The following MDM4 variants were observed in gnomAD, a reference collection of about 807,000 sequenced individuals.
MDM4 encodes the protein protein Mdm4.
A neutral mutation model predicts 60.2 loss-of-function variants in MDM4; 2 were observed. The observed-to-expected ratio is 0.03, with a 90% CI of 0.01 to 0.10. The LOEUF is 0.10. MDM4 is among the 10% of genes least tolerant of loss of function. The probability of loss-of-function intolerance (pLI) is 1.00; values close to 1 mark genes in which losing one functional copy is unlikely to be tolerated. For missense variants in MDM4, 447 were observed against 577.5 expected, an observed-to-expected ratio of 0.77 and a Z score of 2.32; for synonymous variants, 202 against 198.1, an observed-to-expected ratio of 1.02 and a Z score of -0.17.
chr1:204,534,688 C>G (rs57034197), intron 5 of MDM4, among the ~76,000 whole-genome samples: 5,157 of 152,088 alleles, frequency 0.034, 152 homozygotes, highest in Middle Eastern at 0.068. Flanking sequence ...TACAGGTTTT[C>G]TGCTTGTTGC....
intron 5 of MDM4, among the ~76,000 whole-genome samples, chr1:204,534,183 C>G (rs1458172580): frequency 1.3e-5 from 2 of 152,166 alleles, no homozygotes; most frequent in African/African-American, 4.8e-5. Flanking sequence ...AATTTTGAAG[C>G]CTGTTAGTCT....
chr1:204,529,709 T>A (rs931116121), intron 3 of MDM4: 2 of 537,374 alleles, frequency 3.7e-6, no homozygotes, highest in Non-Finnish European at 6.7e-6. Flanking sequence ...AATTCTGACG[T>A]CACACACAGG....
At chr1:204,540,986 T>C (rs1247286980) in intron 7 of MDM4, among the ~76,000 whole-genome samples, 8 of 152,244 alleles carry the variant, frequency 5.3e-5, no homozygotes. Flanking sequence ...TTTATCATGC[T>C]GGATTGTTTT....
At chr1:204,546,600 G>A (rs757100837) in intron 9 of MDM4, among the ~76,000 whole-genome samples, 197 bp from the exon 10 acceptor site, 1 of 152,110 alleles carries the variant, frequency 6.6e-6, no homozygotes, top group Non-Finnish European at 1.5e-5. Flanking sequence ...CTTTTCTGTC[G>A]TTTGTGCTAC....
At position 204,550,564 on chromosome 1, in the gene MDM4, GTTT is replaced by G. The variant is rs11285873; in HGVS notation, c.*895_*897del. On this transcript the variant is annotated 3_prime_UTR_variant, in exon 11 of 11. Coordinates refer to ENST00000367182, the MANE Select transcript of MDM4 (RefSeq NM_002393.5). The stretch of plus-strand genomic sequence containing the variant: ...TTGCATATTATATATGTGCTTTAAA[GTTT>G]TTTTTTTTTTTTGAGAGACGGTCTC... 42 of 159,830 alleles carry G rather than the reference GTTT, an allele frequency of 2.6e-4. No homozygotes were observed. The highest frequency in any genetic ancestry group is 1.3e-3 in the East Asian group (11 of 8,758). 9.9% of individuals were successfully genotyped at this position (159,830 alleles called of 1,614,324 possible).
intron 5 of MDM4, among the ~76,000 whole-genome samples, chr1:204,534,112 T>C (rs911598240): frequency 2.6e-5 from 4 of 152,230 alleles, no homozygotes; most frequent in Admixed American, 6.5e-5. Context: ...TAAAGATTTA[T>C]TCTTTAAAGG....
intron 6 of MDM4, chr1:204,537,986 G>A: frequency 1.3e-6 from 1 of 750,620 alleles, no homozygotes; most frequent in Non-Finnish European, 2.5e-6. Flanking sequence ...TGGCCTTTGT[G>A]CAGAGGTTTT....
chr1:204,544,598 T>C lies in MDM4; in HGVS notation c.736T>C (p.Ser246Pro), dbSNP rs1473911496. The stretch of plus-strand genomic sequence containing the variant: ...CTTGTGGTTTTTGAATGAGTCAGTA[T>C]CAGAGCAGTTAGGTGTTGGAATAAA... ...DDLWFLNESV[S>P]EQLGVGIKVE... The change falls in exon 9 of 11, where the codon TCA becomes CCA. Residue 246 changes from serine (S) to proline (P), a missense_variant. By Grantham distance (74) the Ser-to-Pro change is moderately conservative. Transcript: ENST00000367182. 1.2e-6 allele frequency: 2 copies of C among 1,613,884 alleles called. No individual in the cohort carries two copies. Among genetic ancestry groups the C allele is most frequent in the Admixed American group, 3.3e-5 (2 of 60,024 alleles).
intron 10 of MDM4, among the ~76,000 whole-genome samples, chr1:204,548,660 T>C (rs1662901061): frequency 1.3e-5 from 2 of 152,234 alleles, no homozygotes; most frequent in South Asian, 4.1e-4. Context: ...TTAGTCGTTT[T>C]CAAATCTCAT....
intron 3 of MDM4, among the ~76,000 whole-genome samples, chr1:204,528,196 C>T (rs1353359273): frequency 6.6e-6 from 1 of 151,880 alleles, no homozygotes; most frequent in Non-Finnish European, 1.5e-5. Flanking sequence ...TGACCACTGT[C>T]CCCTGGAGAT....
At chr1:204,526,310 A>T in intron 2 of MDM4, 50 bp from the exon 3 acceptor site, 1 of 1,499,090 alleles carries the variant, frequency 6.7e-7, no homozygotes, top group Non-Finnish European at 9.2e-7. Flanking sequence ...CCATAGTTTC[A>T]GAAACCTACT....
In MDM4 at chr1:204,538,328, T is replaced by C. The variant is rs1422906155; in HGVS notation, c.511+20T>C. On this transcript the variant is annotated intron_variant, in intron 7 of 10. Coordinates refer to ENST00000367182, the MANE Select transcript of MDM4 (RefSeq NM_002393.5). ...GAGAAGGTATGTTTTGGATTAAGGC[T>C]ATATAGACTTTTGTTCTCTTCCTCT... The C allele has an allele frequency of 7.6e-7, 1 of 1,321,716 alleles. No homozygotes were observed. The highest frequency in any genetic ancestry group is 2.3e-5 in the East Asian group (1 of 43,502). The allele number at this position is 1,321,716 out of a possible 1,614,324, so 81.9% of individuals were successfully genotyped here.
intron 3 of MDM4, among the ~76,000 whole-genome samples, chr1:204,528,161 TAAAA>T (rs1454636561): frequency 3.3e-5 from 5 of 151,032 alleles, no homozygotes; most frequent in Non-Finnish European, 7.4e-5. Flanking sequence ...AAATGCAAAT[TAAAA>T]AAAGTATTGG....
intron 6 of MDM4, chr1:204,537,846 T>C: frequency 3.0e-6 from 2 of 657,034 alleles, no homozygotes; most frequent in Non-Finnish European, 5.8e-6. Context: ...TCCTAAAGCT[T>C]CCCCAAACCT....
intron 9 of MDM4, 103 bp downstream of exon 9, chr1:204,544,787 C>T: frequency 3.8e-6 from 4 of 1,043,984 alleles, no homozygotes; most frequent in South Asian, 2.0e-5. Context: ...CTCACATAAT[C>T]CCCTTTTTAA....
Position 204,525,492 on chromosome 1 carries a change from A to C in MDM4, c.-27A>C, listed in dbSNP as rs1467371646. On this transcript the variant is annotated 5_prime_UTR_variant, in exon 2 of 11. Transcript: ENST00000367182. ...TTTTTTTTTCTATTTAGTTTTACCA[A>C]CAGACTGCAGTTTCTTCACTACCAA... 6.3e-7 allele frequency: 1 copy of C among 1,584,450 alleles called. No individual in the cohort carries two copies. Among genetic ancestry groups the C allele is most frequent in the Non-Finnish European group, 8.5e-7 (1 of 1,172,420 alleles).
intron 3 of MDM4, chr1:204,529,188 G>T: frequency 1.3e-6 from 1 of 790,644 alleles, no homozygotes; most frequent in Non-Finnish European, 2.2e-6. Flanking sequence ...AGACATTTAT[G>T]TGGCCTGATT....
intron 3 of MDM4, among the ~76,000 whole-genome samples, chr1:204,528,660 G>A (rs562404032): frequency 6.6e-6 from 1 of 152,160 alleles, no homozygotes. Context: ...CCTCAGCCCT[G>A]GTCCTCACTA....
At position 204,556,149 on chromosome 1, in the gene MDM4, A is replaced by C. The variant is rs1359140376; in HGVS notation, c.*6467A>C. 4.5e-6 allele frequency: 1 copy of C among 224,042 alleles called. No homozygotes were observed. The highest frequency in any genetic ancestry group is 1.8e-4 in the South Asian group (1 of 5,460). 13.9% of individuals were successfully genotyped at this position (224,042 alleles called of 1,614,324 possible). On this transcript the variant is annotated 3_prime_UTR_variant, in exon 11 of 11. Transcript: ENST00000367182. ...GTGTCATTTATATCCCCTTAGTTCC[A>C]AAGTTAATTATCTTATTTCTGGATA...
Sources: gnomAD v4.1 joint callset for allele counts (sites outside exome capture counted in the v4.1 genomes callset) on GRCh38, gnomAD v4.1.1 for gene constraint, MANE v1.5 for transcripts, NCBI Gene and HGNC (gene_info 2026-07-23, HGNC 2026-07-21) for gene names.